GPHN: variants seen among roughly 807,000 people sequenced by gnomAD.
GPHN encodes gephyrin.
Under a neutral mutation model 95.5 loss-of-function variants are expected in GPHN, and 17 were observed. The observed-to-expected ratio is 0.18, with a 90% CI of 0.12 to 0.27. GPHN has a LOEUF of 0.27. Ranked by LOEUF, GPHN falls within the 10% of genes least tolerant of loss-of-function variation. The pLI is 1.00. For synonymous variants in GPHN, 320 were observed against 322.5 expected (o/e 0.99, Z 0.08); for missense variants, 660 against 978.1 (o/e 0.67, Z 4.34).
intron 20 of GPHN, among the ~76,000 whole-genome samples, chr14:67,165,961 A>T (rs947456070): frequency 2.0e-5 from 3 of 152,148 alleles, no homozygotes; most frequent in African/African-American, 7.2e-5. Flanking sequence ...TCTTTTTTTT[A>T]ACTTTAAAAT....
chr14:66,721,382 A>T (rs2070723382), intron 2 of GPHN, among the ~76,000 whole-genome samples: 1 of 152,222 alleles, frequency 6.6e-6, no homozygotes, highest in African/African-American at 2.4e-5. Flanking sequence ...TGGTAACATT[A>T]TGCCAAACCT....
the GPHN span, among the ~76,000 whole-genome samples, chr14:67,245,883 T>C: frequency 6.6e-6 from 1 of 152,120 alleles, no homozygotes; most frequent in African/African-American, 2.4e-5. Flanking sequence ...TTCCAAGTTT[T>C]ATATTGTAAT....
the GPHN span, among the ~76,000 whole-genome samples, chr14:67,376,130 T>C: frequency 6.7e-6 from 1 of 148,914 alleles, no homozygotes; most frequent in Non-Finnish European, 1.5e-5. Flanking sequence ...CCATTTATAG[T>C]GTGTGGTTTC....
chr14:66,777,811 A>G (rs1045100041), intron 3 of GPHN, among the ~76,000 whole-genome samples: 4 of 152,230 alleles, frequency 2.6e-5, no homozygotes, highest in African/African-American at 9.7e-5. Flanking sequence ...TTAGGTATTG[A>G]TGGGACGTAT....
the GPHN span, chr14:67,441,992 C>A: frequency 6.5e-6 from 1 of 153,898 alleles, no homozygotes; most frequent in Admixed American, 6.6e-5. Flanking sequence ...CTAATATAGG[C>A]CCTCTACTTT....
chr14:67,100,844 T>C lies in GPHN; in HGVS notation c.1238-12T>C. 6.3e-7 allele frequency: 1 copy of C among 1,586,656 alleles called. No homozygotes were observed. Among genetic ancestry groups the C allele is most frequent in the Non-Finnish European group, 8.7e-7 (1 of 1,154,916 alleles). Reference sequence around the variant, plus strand: ...TACTGATGTTTGTTCTTGGCTCTGTTCCATCTCACAGCTGCTGATGGCCCA... The same window carrying C: ...TACTGATGTTTGTTCTTGGCTCTGTCCCATCTCACAGCTGCTGATGGCCCA... On this transcript the variant is annotated splice_polypyrimidine_tract_variant and intron_variant, in intron 12 of 22. Transcript: ENST00000478722.
the GPHN span, among the ~76,000 whole-genome samples, chr14:67,584,653 C>T: frequency 3.3e-5 from 5 of 152,280 alleles, no homozygotes; most frequent in Admixed American, 6.5e-5. Context: ...AGCCACAGAT[C>T]GGAAAATGGC....
intron 16 of GPHN, among the ~76,000 whole-genome samples, chr14:67,116,360 AAAAAG>A (rs771172720): frequency 6.6e-6 from 1 of 151,912 alleles, no homozygotes; most frequent in Non-Finnish European, 1.5e-5. Flanking sequence ...AAGGGGAAGC[AAAAAG>A]AAAAGAGAGA....
intron 21 of GPHN, among the ~76,000 whole-genome samples, chr14:67,169,440 C>T (rs913936091): frequency 3.3e-5 from 5 of 152,082 alleles, no homozygotes; most frequent in Admixed American, 1.3e-4. Flanking sequence ...GTGACTTCAA[C>T]GATAAATTTT....
intron 2 of GPHN, among the ~76,000 whole-genome samples, chr14:66,752,916 T>A: frequency 7.3e-6 from 1 of 137,210 alleles, no homozygotes. Flanking sequence ...AATCCTAAAG[T>A]GAAGCAATAG....
intron 2 of GPHN, among the ~76,000 whole-genome samples, chr14:66,716,356 G>A (rs186988447): frequency 6.6e-6 from 1 of 152,166 alleles, no homozygotes; most frequent in East Asian, 1.9e-4. Context: ...TGCATGAAAT[G>A]CCCTTTTCCA....
chr14:67,409,609 G>A, the GPHN span, among the ~76,000 whole-genome samples: 2 of 151,920 alleles, frequency 1.3e-5, no homozygotes, highest in Non-Finnish European at 2.9e-5. Flanking sequence ...CCACTCCCCT[G>A]ACAGCCAGGC....
intron 11 of GPHN, among the ~76,000 whole-genome samples, chr14:67,082,447 A>G (rs1475510913): frequency 2.0e-5 from 3 of 152,108 alleles, no homozygotes; most frequent in Admixed American, 6.6e-5. Flanking sequence ...GACTATACAC[A>G]TGAAGGTTTA....
chr14:66,846,891 A>G (rs1438898397), intron 4 of GPHN, among the ~76,000 whole-genome samples: 2 of 152,164 alleles, frequency 1.3e-5, no homozygotes, highest in Non-Finnish European at 2.9e-5. Context: ...TTATACCAAT[A>G]ATGAAAATGT....
chr14:67,146,306 C>T (rs2080894412), intron 18 of GPHN, among the ~76,000 whole-genome samples: 1 of 152,192 alleles, frequency 6.6e-6, no homozygotes, highest in African/African-American at 2.4e-5. Context: ...GATCTCTCCC[C>T]TCCTTCACCT....
chr14:66,861,277 A>G (rs2063013478), intron 4 of GPHN, among the ~76,000 whole-genome samples: 1 of 152,092 alleles, frequency 6.6e-6, no homozygotes, highest in African/African-American at 2.4e-5. Flanking sequence ...AGAAGAGACA[A>G]AGTCATTATA....
chr14:66,626,386 C>A (rs1326528237), intron 1 of GPHN, among the ~76,000 whole-genome samples: 4 of 152,078 alleles, frequency 2.6e-5, no homozygotes, highest in Non-Finnish European at 5.9e-5. Flanking sequence ...CATTCACATT[C>A]ATTTAAGTAA....
rs368140123 is a variant in GPHN at position 67,148,558 on chromosome 14, C to CTTTT, written c.1836+5126_1836+5129dup. On this transcript the variant is annotated intron_variant, in intron 18 of 22. Transcript: ENST00000478722. The stretch of plus-strand genomic sequence containing the variant: ...CATAATAATTTTAAGACTTTATTTG[C>CTTTT]TTTTTTTTTTTTTTTTTTTTGAGAC... 2.3e-4 allele frequency among the ~76,000 whole-genome samples: 25 copies of CTTTT among 109,042 alleles called. 1 individual carries two copies. The highest frequency in any genetic ancestry group is 3.8e-4 in the African/African-American group (10 of 26,022). 71.5% of individuals were successfully genotyped at this position (109,042 alleles called of 152,430 possible). A position where few individuals can be genotyped will look rare whatever the true frequency, so the allele number is the denominator to read the frequency against.
chr14:67,287,230 CAAAA>C, the GPHN span, among the ~76,000 whole-genome samples: 2 of 147,300 alleles, frequency 1.4e-5, no homozygotes, highest in Non-Finnish European at 3.0e-5. Context: ...AAAACAAAAA[CAAAA>C]AAAAAGACAC....
Sources: allele counts gnomAD v4.1 joint callset (sites outside exome capture counted in the v4.1 genomes callset), GRCh38; gene constraint gnomAD v4.1.1; transcripts MANE v1.5; gene names NCBI Gene and HGNC (gene_info 2026-07-23, HGNC 2026-07-21).